Variants in SIPA1L2 observed in about 807,000 individuals in gnomAD.
SIPA1L2 encodes signal-induced proliferation-associated 1-like protein 2.
SIPA1L2 carries 56 observed loss-of-function variants against 163.9 expected under a neutral mutation model. That is an observed-to-expected ratio of 0.34 (90% CI 0.28 to 0.43). The LOEUF (loss-of-function observed/expected upper bound fraction) is 0.43, where lower values mean the gene tolerates loss of function less well. Among genes scored for constraint, SIPA1L2 ranks in the 20% least tolerant of loss-of-function variants. The pLI, the probability that SIPA1L2 is intolerant of heterozygous loss-of-function variation, is 1.00. For synonymous variants in SIPA1L2, 877 were observed against 865.7 expected (o/e 1.01, Z -0.23); for missense variants, 1,974 against 2,193.5 (o/e 0.90, Z 2.00).
At chr1:232,424,645 CTT>C (rs1368740106) in intron 18 of SIPA1L2, among the ~76,000 whole-genome samples, 1 of 152,066 alleles carries the variant, frequency 6.6e-6, no homozygotes. Context: ...TAAATGGACT[CTT>C]TATAACAGGC....
At chr1:232,587,095 C>T (rs982383116) in intron 1 of SIPA1L2, among the ~76,000 whole-genome samples, 1 of 152,164 alleles carries the variant, frequency 6.6e-6, no homozygotes, top group African/African-American at 2.4e-5. Context: ...AAAAGATTAC[C>T]TTGACTAATC....
intron 1 of SIPA1L2, among the ~76,000 whole-genome samples, chr1:232,579,596 C>T (rs1660264454): frequency 6.6e-6 from 1 of 152,174 alleles, no homozygotes. Context: ...ATAGGTTGAA[C>T]CATATGAAAC....
chr1:232,461,778 T>C (rs1664249048), intron 9 of SIPA1L2, among the ~76,000 whole-genome samples: 1 of 152,164 alleles, frequency 6.6e-6, no homozygotes, highest in Admixed American at 6.5e-5. Flanking sequence ...CTCTAAATGT[T>C]CTCTACGCAC....
At chr1:232,407,448 G>C (rs1030197279) in intron 19 of SIPA1L2, among the ~76,000 whole-genome samples, 4 of 152,102 alleles carry the variant, frequency 2.6e-5, no homozygotes, top group Non-Finnish European at 5.9e-5. Context: ...TCATAAAAAG[G>C]GATGTTTATT....
intron 2 of SIPA1L2, among the ~76,000 whole-genome samples, chr1:232,526,051 C>A (rs1667691695): frequency 6.6e-6 from 1 of 152,170 alleles, no homozygotes; most frequent in Admixed American, 6.5e-5. Context: ...AAAACTGCAA[C>A]TGAGGAAATC....
chr1:232,509,586 G>C (rs1666887138), intron 3 of SIPA1L2, among the ~76,000 whole-genome samples: 1 of 152,202 alleles, frequency 6.6e-6, no homozygotes, highest in Non-Finnish European at 1.5e-5. Context: ...CCCAACTCAT[G>C]ATGTTTGCAG....
chr1:232,573,632 A>G (rs1477799026), intron 2 of SIPA1L2, among the ~76,000 whole-genome samples: 1 of 152,090 alleles, frequency 6.6e-6, no homozygotes, highest in East Asian at 1.9e-4. Context: ...TAAGTAAGGG[A>G]GCACCTCTGC....
intron 1 of SIPA1L2, among the ~76,000 whole-genome samples, chr1:232,622,256 A>G (rs1662848161): frequency 6.6e-6 from 1 of 152,228 alleles, no homozygotes; most frequent in Non-Finnish European, 1.5e-5. Flanking sequence ...ATTAAAGATA[A>G]AAGACTTTTA....
rs1667121347 is a variant in SIPA1L2, at chr1:232,514,390, T to C, written c.950A>G (p.Glu317Gly). The change falls in exon 3 of 23, where the codon GAG (glutamate) becomes GGG (glycine). Residue 317 changes from glutamate to glycine, a missense_variant. Around this residue, in one of 3 missense-constraint regions of SIPA1L2, gnomAD observed 607 missense variants for 624.0 expected, o/e 0.97. Coordinates refer to ENST00000674635, the MANE Select transcript of SIPA1L2 (RefSeq NM_020808.5). ...ACAATTCCAAGGGCGAATGCCCCTC[T>C]CCAGTCGGCTCTCCTCCAGCTCAGA... ...FTSELEESRL[E>G]RGIRPWNCQR... 6.2e-7 allele frequency: 1 copy of C among 1,614,012 alleles called. No individual in the cohort carries two copies.
At chr1:232,424,877 T>C (rs962553947) in intron 18 of SIPA1L2, among the ~76,000 whole-genome samples, 40 of 152,312 alleles carry the variant, frequency 2.6e-4, no homozygotes, top group African/African-American at 9.6e-4. Context: ...TCCCATTTTT[T>C]CTGTACAAAA....
chr1:232,522,099 A>G (rs1212886363), intron 2 of SIPA1L2, among the ~76,000 whole-genome samples: 1 of 151,976 alleles, frequency 6.6e-6, no homozygotes, highest in African/African-American at 2.4e-5. Flanking sequence ...CCTTCCAAAT[A>G]CTCCTCAAAT....
chr1:232,558,610 T>C (rs58725315), intron 2 of SIPA1L2, among the ~76,000 whole-genome samples: 8,476 of 152,316 alleles, frequency 0.056, 946 homozygotes, highest in East Asian at 0.5. Flanking sequence ...GTCTGAGAGA[T>C]AGATCCATTC....
intron 18 of SIPA1L2, among the ~76,000 whole-genome samples, chr1:232,416,978 T>C (rs1661300635): frequency 6.6e-6 from 1 of 152,222 alleles, no homozygotes; most frequent in Non-Finnish European, 1.5e-5. Flanking sequence ...AACTGGACTT[T>C]AATGTGCCTT....
At chr1:232,477,926 G>A (rs73095119) in intron 7 of SIPA1L2, among the ~76,000 whole-genome samples, 1,605 of 152,238 alleles carry the variant, frequency 0.011, 31 homozygotes, top group African/African-American at 0.037. Flanking sequence ...TCGATGACGG[G>A]GGTCAAAAGT....
chr1:232,457,457 A>G (rs995275930), intron 10 of SIPA1L2, among the ~76,000 whole-genome samples: 1 of 152,202 alleles, frequency 6.6e-6, no homozygotes, highest in Non-Finnish European at 1.5e-5. Context: ...GTAAAAATGT[A>G]TATGTATATA....
chr1:232,470,808 C>A (rs906331508), intron 8 of SIPA1L2, among the ~76,000 whole-genome samples: 1 of 152,144 alleles, frequency 6.6e-6, no homozygotes, highest in African/African-American at 2.4e-5. Context: ...TGGTCAAAGA[C>A]CCATTGTTTT....
rs199691624 is a variant in SIPA1L2 at position 232,445,766 on chromosome 1, C to T, written c.3116G>A (p.Arg1039Gln). The T allele has an allele frequency of 1.6e-4, 264 of 1,613,300 alleles. No homozygotes were observed. The highest frequency in any genetic ancestry group is 2.1e-4 in the Non-Finnish European group (252 of 1,179,758). ...GAGTTTATATTCCACCATAGGGATCCGGCAGAGCTCTGAACACCCTCTGTT... is the reference window on the plus strand; with the variant it reads ...GAGTTTATATTCCACCATAGGGATCTGGCAGAGCTCTGAACACCCTCTGTT... ...SPRRGCSELCRIPMVEYKLDS... is the reference protein window; with the variant it reads ...SPRRGCSELCQIPMVEYKLDS... Residue 1039 changes from arginine to glutamine, a missense_variant, in exon 11 of 23, where the codon CGG (arginine) becomes CAG (glutamine). Around this residue, in one of 3 missense-constraint regions of SIPA1L2, gnomAD observed 1,079 missense variants for 1,150.7 expected, o/e 0.94. Transcript: ENST00000674635.
chr1:232,586,107 C>T lies in SIPA1L2; in HGVS notation c.-318-11885G>A, dbSNP rs184187078. On this transcript the variant is annotated intron_variant, in intron 1 of 22. Coordinates refer to ENST00000674635, the MANE Select transcript of SIPA1L2 (RefSeq NM_020808.5). Reference sequence around the variant, plus strand: ...AAAAATCCCTCATGAAAGCAAAGCACAAGACTCGGTTTCTCCTTGAGACCC... The same window carrying T: ...AAAAATCCCTCATGAAAGCAAAGCATAAGACTCGGTTTCTCCTTGAGACCC... Among the ~76,000 whole-genome samples, 616 of 152,290 alleles carry T rather than the reference C, an allele frequency of 4.0e-3. 2 individuals carry two copies. Among genetic ancestry groups the T allele is most frequent in the African/African-American group, 0.014 (585 of 41,552 alleles).
intron 2 of SIPA1L2, among the ~76,000 whole-genome samples, chr1:232,542,149 T>C (rs187521477): frequency 6.6e-6 from 1 of 152,364 alleles, no homozygotes; most frequent in Admixed American, 6.5e-5. Context: ...CATCTACTTA[T>C]GTAACCCTGG....
Sources: allele counts gnomAD v4.1 joint callset (sites outside exome capture counted in the v4.1 genomes callset), GRCh38; gene constraint gnomAD v4.1.1; regional missense constraint gnomAD v4.1.1; transcripts MANE v1.5; gene names NCBI Gene and HGNC (gene_info 2026-07-23, HGNC 2026-07-21).